PCDHA8: variants seen among roughly 807,000 people sequenced by gnomAD.
The protein encoded by PCDHA8 is protocadherin alpha 8.
In PCDHA8, 53 loss-of-function variants were observed where a neutral mutation model predicts 61.8. That is an observed-to-expected ratio of 0.86 (90% CI 0.69 to 1.08). The LOEUF is 1.08. Ranked by LOEUF, PCDHA8 falls within the 50% of genes least tolerant of loss-of-function variation. The probability of loss-of-function intolerance (pLI) is 0.00; values close to 1 mark genes in which losing one functional copy is unlikely to be tolerated. For synonymous variants in PCDHA8, 618 were observed against 556.6 expected (o/e 1.11, Z -1.55); for missense variants, 1,293 against 1,245.0 (o/e 1.04, Z -0.58).
Position 140,842,896 on chromosome 5 carries a change from C to G in PCDHA8, c.1575C>G (p.His525Gln). ...TGTACGCGCTGCAGCCGCTGGACCA[C>G]GAGGAGCTAGAGCTGCTGCAGTTCC... is the stretch of plus-strand genomic sequence containing the variant. Reference protein sequence around the residue: ...GKVYALQPLDHEELELLQFQV... With the variant: ...GKVYALQPLDQEELELLQFQV... Residue 525 changes from histidine to glutamine, a missense_variant, in exon 1 of 4, where the codon CAC becomes CAG. Coordinates refer to ENST00000531613, the MANE Select transcript of PCDHA8 (RefSeq NM_018911.3). 6.3e-7 allele frequency: 1 copy of G among 1,594,370 alleles called. No homozygotes were observed. The highest frequency in any genetic ancestry group is 8.6e-7 in the Non-Finnish European group (1 of 1,165,472).
chr5:140,967,073 G>T, intron 1 of PCDHA8: 1 of 1,613,160 alleles, frequency 6.2e-7, no homozygotes, highest in Non-Finnish European at 8.5e-7. Flanking sequence ...CTTCGTCAAC[G>T]AGCGCATTGA....
At chr5:140,989,533 T>C (rs114286041) in intron 3 of PCDHA8, among the ~76,000 whole-genome samples, 1,576 of 152,276 alleles carry the variant, frequency 0.01, 12 homozygotes, top group Middle Eastern at 0.058. Flanking sequence ...AGGAGGAAGA[T>C]AGTTTGTAAT....
chr5:140,973,894 G>A (rs1161980569), intron 1 of PCDHA8, among the ~76,000 whole-genome samples: 1 of 152,194 alleles, frequency 6.6e-6, no homozygotes, highest in African/African-American at 2.4e-5. Flanking sequence ...ATTTGCAAAT[G>A]TTTGAGGAAA....
chr5:140,923,333 T>C lies in PCDHA8; in HGVS notation c.2395-55616T>C, dbSNP rs180734722. Among the ~76,000 whole-genome samples the C allele has an allele frequency of 8.0e-3, 1,225 of 152,228 alleles. 6 individuals are homozygous for C. The highest frequency in any genetic ancestry group is 0.019 in the African/African-American group (792 of 41,544). On this transcript the variant is annotated intron_variant, in intron 1 of 3. Coordinates refer to ENST00000531613, the MANE Select transcript of PCDHA8 (RefSeq NM_018911.3). ...CTTGGCCTAGAAGTTCAAGGACAGT[T>C]TGGGCAACATAGTGGGACCCTATCT...
At position 140,858,448 on chromosome 5, in the gene PCDHA8, C is replaced by G. The variant is rs1554151646; in HGVS notation, c.2394+14733C>G. The G allele has an allele frequency of 1.3e-6, 2 of 1,532,196 alleles. 1 individual carries two copies. The highest frequency in any genetic ancestry group is 2.8e-5 in the African/African-American group (2 of 72,594). 94.9% of individuals were successfully genotyped at this position (1,532,196 alleles called of 1,614,324 possible). ...ACCACTCTAGGAAGGTGGGTTATTA[C>G]GTTTTCATTTTCCTTTTGTGCTTTA... On this transcript the variant is annotated intron_variant, in intron 1 of 3. Transcript: ENST00000531613.
chr5:140,933,833 A>G (rs944428844), intron 1 of PCDHA8, among the ~76,000 whole-genome samples: 1 of 151,928 alleles, frequency 6.6e-6, no homozygotes, highest in East Asian at 1.9e-4. Flanking sequence ...TATTGCTCCT[A>G]TTTCATTCCT....
intron 1 of PCDHA8, chr5:140,856,990 T>C: frequency 6.3e-7 from 1 of 1,595,350 alleles, no homozygotes; most frequent in Non-Finnish European, 8.6e-7. Flanking sequence ...ACAGTAACAC[T>C]TATGAAATTC....
chr5:140,843,800 C>T (rs2150366866), intron 1 of PCDHA8, 85 bp downstream of exon 1: 5 of 1,342,480 alleles, frequency 3.7e-6, no homozygotes, highest in East Asian at 2.3e-5. Context: ...TAGTTTTTCA[C>T]CGTATTTTAT....
chr5:140,882,280 C>T lies in PCDHA8; in HGVS notation c.2394+38565C>T, dbSNP rs531486554. On this transcript the variant is annotated intron_variant, in intron 1 of 3. Transcript: ENST00000531613. ...TTTTGGAGTGTACCATGCTGTCTTCCTGGCAAGGAGGCCCAAGACCGCGGC... is the reference window on the plus strand; with the variant it reads ...TTTTGGAGTGTACCATGCTGTCTTCTTGGCAAGGAGGCCCAAGACCGCGGC... 1.0e-4 allele frequency: 164 copies of T among 1,612,564 alleles called. 4 individuals are homozygous for T. The South Asian group carries it at 1.7e-3, about 16-fold the overall frequency.
intron 2 of PCDHA8, among the ~76,000 whole-genome samples, chr5:140,980,258 G>A (rs2096882497): frequency 6.6e-6 from 1 of 152,164 alleles, no homozygotes; most frequent in Non-Finnish European, 1.5e-5. Context: ...GTAAAAGCAT[G>A]GTTTACAGTA....
Position 140,851,044 on chromosome 5 carries a change from G to A in PCDHA8, c.2394+7329G>A, listed in dbSNP as rs781824317. 121 of 1,389,526 alleles carry A rather than the reference G, an allele frequency of 8.7e-5. 9 individuals are homozygous for A. The highest frequency in any genetic ancestry group is 1.1e-4 in the Non-Finnish European group (114 of 1,060,604). 86.1% of individuals were successfully genotyped at this position (1,389,526 alleles called of 1,614,324 possible). On this transcript the variant is annotated intron_variant, in intron 1 of 3. Transcript: ENST00000531613. ...AAGTAAACCCCTTAACATTGGAGCC[G>A]ACTTTGTCTTGACTTCTAGTGAGAA... is the stretch of plus-strand genomic sequence containing the variant.
At chr5:140,951,766 C>T (rs372624744) in intron 1 of PCDHA8, among the ~76,000 whole-genome samples, 78 of 152,240 alleles carry the variant, frequency 5.1e-4, no homozygotes, top group African/African-American at 1.6e-3. Context: ...AATCTCATGA[C>T]GTTCTTACAT....
chr5:140,869,650 C>A, intron 1 of PCDHA8: 1 of 1,613,504 alleles, frequency 6.2e-7, no homozygotes, highest in African/African-American at 1.3e-5. Flanking sequence ...TTTAGATTCA[C>A]CAACAAATGG....
intron 1 of PCDHA8, among the ~76,000 whole-genome samples, chr5:140,944,212 G>A (rs2093625655): frequency 6.6e-6 from 1 of 152,158 alleles, no homozygotes; most frequent in Non-Finnish European, 1.5e-5. Flanking sequence ...TTTTTAAAGA[G>A]GGTTTTACTC....
At chr5:140,927,193 C>G in intron 1 of PCDHA8, 1 of 1,614,186 alleles carries the variant, frequency 6.2e-7, no homozygotes, top group South Asian at 1.1e-5. Context: ...CGACCTGGTG[C>G]TCGAGGACCC....
chr5:140,977,564 A>G (rs2096766034), intron 1 of PCDHA8, among the ~76,000 whole-genome samples: 1 of 152,178 alleles, frequency 6.6e-6, no homozygotes, highest in African/African-American at 2.4e-5. Flanking sequence ...TTGCTAGCAG[A>G]TTGGTAGAAT....
intron 1 of PCDHA8, chr5:140,869,166 C>A: frequency 6.2e-7 from 1 of 1,613,866 alleles, no homozygotes; most frequent in South Asian, 1.1e-5. Context: ...TTCTCCTCCT[C>A]GAATTCTGGG....
chr5:140,990,535 A>T (rs1450949471), intron 3 of PCDHA8, among the ~76,000 whole-genome samples: 1 of 152,182 alleles, frequency 6.6e-6, no homozygotes, highest in African/African-American at 2.4e-5. Context: ...ACTGTGCATC[A>T]TAGATACTGT....
intron 1 of PCDHA8, among the ~76,000 whole-genome samples, chr5:140,948,862 C>T (rs1419321480): frequency 6.6e-6 from 1 of 151,398 alleles, no homozygotes; most frequent in Admixed American, 6.6e-5. Context: ...TCTTATATTA[C>T]TTCGGGTTTA....
Sources: gnomAD v4.1 joint callset for allele counts (sites outside exome capture counted in the v4.1 genomes callset) on GRCh38, gnomAD v4.1.1 for gene constraint, MANE v1.5 for transcripts, NCBI Gene and HGNC (gene_info 2026-07-23, HGNC 2026-07-21) for gene names.